CDYL2: variants seen among roughly 807,000 people sequenced by gnomAD.
CDYL2 encodes the protein chromodomain Y-like protein 2.
A neutral mutation model predicts 49.4 loss-of-function variants in CDYL2; 23 were observed. That is an observed-to-expected ratio of 0.47 (90% CI 0.34 to 0.66). The LOEUF is 0.66. Ranked by LOEUF, CDYL2 falls within the 30% of genes least tolerant of loss-of-function variation. The probability of loss-of-function intolerance (pLI) is 0.01; values close to 1 mark genes in which losing one functional copy is unlikely to be tolerated. For missense variants in CDYL2, 678 were observed against 656.4 expected (o/e 1.03, Z -0.36); for synonymous variants, 360 against 268.8 (o/e 1.34, Z -3.32).
At chr16:80,703,679 C>G (rs1904318981) in intron 1 of CDYL2, among the ~76,000 whole-genome samples, 1 of 152,118 alleles carries the variant, frequency 6.6e-6, no homozygotes. Flanking sequence ...GTGACCCAGC[C>G]CCTCCCAGAA....
rs1279491423 is a variant in CDYL2 at position 80,633,239 on chromosome 16, T to C, written c.617-3A>G. ...TCCCCCGTTGGTCAGAGCAGAGCCT[T>C]CCAAAACCAGATAAACAATGTAAGA... is the stretch of plus-strand genomic sequence containing the variant. On this transcript the variant is annotated splice_region_variant and splice_polypyrimidine_tract_variant and intron_variant, in intron 2 of 6. Transcript: ENST00000570137. 6.2e-7 allele frequency: 1 copy of C among 1,609,602 alleles called. No homozygotes were observed. Among genetic ancestry groups the C allele is most frequent in the Non-Finnish European group, 8.5e-7 (1 of 1,176,520 alleles).
chr16:80,608,376 G>T, intron 5 of CDYL2, 141 bp from the exon 6 acceptor site: 2 of 924,472 alleles, frequency 2.2e-6, no homozygotes, highest in Non-Finnish European at 3.1e-6. Context: ...TTTGGGGTCA[G>T]ATAAGCTTTG....
At chr16:80,759,150 A>ATATATATATATATTGTTTATATAT (rs1211358459) in intron 1 of CDYL2, among the ~76,000 whole-genome samples, 2 of 80,838 alleles carry the variant, frequency 2.5e-5, no homozygotes, top group African/African-American at 5.0e-5. Context: ...GGTTTATATA[A>ATATATATATATATTGTTTATATAT]ATATATGGTT....
intron 1 of CDYL2, among the ~76,000 whole-genome samples, chr16:80,723,466 G>C (rs1905064278): frequency 6.6e-6 from 1 of 152,162 alleles, no homozygotes; most frequent in South Asian, 2.1e-4. Flanking sequence ...CTAAACTCCA[G>C]GTTCCCCAAA....
intron 1 of CDYL2, among the ~76,000 whole-genome samples, chr16:80,702,082 T>A (rs1016023740): frequency 2.6e-5 from 4 of 152,020 alleles, no homozygotes; most frequent in Non-Finnish European, 4.4e-5. Context: ...TATACAGGAA[T>A]GTGGAGTGAG....
At chr16:80,752,951 G>T (rs1249793454) in intron 1 of CDYL2, among the ~76,000 whole-genome samples, 5 of 152,156 alleles carry the variant, frequency 3.3e-5, no homozygotes, top group Admixed American at 3.3e-4. Flanking sequence ...AAAGGATGAG[G>T]GGCAACAGAA....
At chr16:80,681,531 C>G (rs764719090) in intron 2 of CDYL2, among the ~76,000 whole-genome samples, 2 of 152,174 alleles carry the variant, frequency 1.3e-5, no homozygotes, top group Non-Finnish European at 2.9e-5. Flanking sequence ...GTCCAGGAAC[C>G]TCAAACCACT....
chr16:80,759,124 A>ATATATATATATATGGTTTT (rs1906433380), intron 1 of CDYL2, among the ~76,000 whole-genome samples: 3 of 133,200 alleles, frequency 2.3e-5, no homozygotes, highest in African/African-American at 8.8e-5. Context: ...ATATATATAT[A>ATATATATATATATGGTTTT]TATATATATA....
At chr16:80,716,191 A>C (rs1437399158) in intron 1 of CDYL2, among the ~76,000 whole-genome samples, 2 of 152,238 alleles carry the variant, frequency 1.3e-5, no homozygotes, top group East Asian at 3.9e-4. Context: ...ACTTCATCAA[A>C]GAGAAGCCTC....
chr16:80,746,004 G>C (rs927407474), intron 1 of CDYL2, among the ~76,000 whole-genome samples: 10 of 152,166 alleles, frequency 6.6e-5, no homozygotes, highest in African/African-American at 2.4e-4. Flanking sequence ...GCAGGCAGAA[G>C]GTAAAGCTCG....
intron 4 of CDYL2, among the ~76,000 whole-genome samples, chr16:80,618,746 T>C (rs1490686011): frequency 6.6e-6 from 1 of 152,134 alleles, no homozygotes; most frequent in Non-Finnish European, 1.5e-5. Flanking sequence ...CTGTCCAGGA[T>C]AATCTGTTAA....
chr16:80,774,530 T>C (rs1907017073), intron 1 of CDYL2, among the ~76,000 whole-genome samples: 1 of 152,064 alleles, frequency 6.6e-6, no homozygotes, highest in Non-Finnish European at 1.5e-5. Flanking sequence ...ACTCCAAAAC[T>C]GCTAAAATAG....
chr16:80,711,723 C>A (rs1597092368), intron 1 of CDYL2, among the ~76,000 whole-genome samples: 6 of 152,078 alleles, frequency 3.9e-5, no homozygotes, highest in Admixed American at 3.9e-4. Context: ...GGCAACACAC[C>A]TGGCCCTAAG....
At chr16:80,672,535 AAAAGGAAAGG>A (rs58509953) in intron 2 of CDYL2, among the ~76,000 whole-genome samples, 2,612 of 46,296 alleles carry the variant, frequency 0.056, 61 homozygotes, top group Middle Eastern at 0.096. Flanking sequence ...AAGGAAAAGG[AAAAGGAAAGG>A]AAAGGAAAGG....
At chr16:80,719,919 G>A (rs973462347) in intron 1 of CDYL2, among the ~76,000 whole-genome samples, 13 of 152,188 alleles carry the variant, frequency 8.5e-5, no homozygotes, top group African/African-American at 3.1e-4. Flanking sequence ...GCATAGAGAG[G>A]CCAAAGGCCC....
At chr16:80,768,048 T>C (rs758119973) in intron 1 of CDYL2, among the ~76,000 whole-genome samples, 3 of 152,206 alleles carry the variant, frequency 2.0e-5, no homozygotes, top group East Asian at 1.9e-4. Context: ...TCCCAGTTCA[T>C]ATAAGCTAAC....
intron 1 of CDYL2, among the ~76,000 whole-genome samples, chr16:80,765,491 G>A (rs1310600912): frequency 6.6e-6 from 1 of 151,596 alleles, no homozygotes; most frequent in African/African-American, 2.4e-5. Context: ...AAAATGATAG[G>A]TACACTGGAA....
chr16:80,742,064 G>A (rs1235593261), intron 1 of CDYL2: 1 of 152,156 alleles, frequency 6.6e-6, no homozygotes, highest in Non-Finnish European at 1.5e-5. Flanking sequence ...TAAAAAATAA[G>A]AAACAGATCC....
At chr16:80,738,456 T>A (rs1032670480) in intron 1 of CDYL2, among the ~76,000 whole-genome samples, 17 of 152,174 alleles carry the variant, frequency 1.1e-4, no homozygotes, top group African/African-American at 3.6e-4. Context: ...TAATGCTACA[T>A]GCTACAACTA....
Sources: gnomAD v4.1 joint callset for allele counts (sites outside exome capture counted in the v4.1 genomes callset) on GRCh38, gnomAD v4.1.1 for gene constraint, MANE v1.5 for transcripts, NCBI Gene and HGNC (gene_info 2026-07-23, HGNC 2026-07-21) for gene names.